The following PARD6G variants were observed in gnomAD, a reference collection of about 807,000 sequenced individuals.
The protein encoded by PARD6G is partitioning defective 6 homolog gamma.
A neutral mutation model predicts 10.7 loss-of-function variants in PARD6G; 7 were observed. The ratio of observed to expected loss-of-function variants is 0.66; its 90% CI spans 0.37 to 1.23. The LOEUF is 1.23. Among genes scored for constraint, PARD6G ranks in the 50% most tolerant of loss-of-function variants. The pLI, the probability that PARD6G is intolerant of heterozygous loss-of-function variation, is 0.02. For missense variants in PARD6G, 548 were observed against 571.8 expected, an observed-to-expected ratio of 0.96 and a Z score of 0.42; for synonymous variants, 287 against 269.4, an observed-to-expected ratio of 1.07 and a Z score of -0.64.
At chr18:80,202,645 T>A (rs563620018) in intron 2 of PARD6G, 65 bp downstream of exon 2, 2 of 1,376,918 alleles carry the variant, frequency 1.5e-6, no homozygotes, top group Non-Finnish European at 2.0e-6. Context: ...ACAGAAAAAA[T>A]TGAAAACTGT....
chr18:80,234,418 C>G (rs1043800854), intron 1 of PARD6G, among the ~76,000 whole-genome samples: 1 of 152,140 alleles, frequency 6.6e-6, no homozygotes, highest in African/African-American at 2.4e-5. Flanking sequence ...GATAAAGGAT[C>G]TTTTCTGATT....
chr18:80,199,926 T>C lies in PARD6G; in HGVS notation c.295+2784A>G, dbSNP rs564933099. The stretch of plus-strand genomic sequence containing the variant: ...TCCCAAAGTGCTGGGATTACAGGCG[T>C]GAGCCACCATGCCTGGCTGAGCAAC... On this transcript the variant is annotated intron_variant, in intron 2 of 2. Coordinates refer to ENST00000353265, the MANE Select transcript of PARD6G (RefSeq NM_032510.4). Among the ~76,000 whole-genome samples the C allele has an allele frequency of 2.6e-5, 4 of 152,356 alleles. No homozygotes were observed. The South Asian group carries it at 8.3e-4, about 32-fold the overall frequency.
chr18:80,238,219 G>T (rs28528736), intron 1 of PARD6G, among the ~76,000 whole-genome samples: 3,680 of 152,160 alleles, frequency 0.024, 148 homozygotes, highest in African/African-American at 0.084. Context: ...GAAACCATCA[G>T]TGTCAGCAAA....
intron 1 of PARD6G, among the ~76,000 whole-genome samples, chr18:80,220,232 G>C (rs547470647): frequency 6.6e-6 from 1 of 152,290 alleles, no homozygotes; most frequent in South Asian, 2.1e-4. Context: ...CAGCTCGTGT[G>C]AGAACTCACT....
intron 2 of PARD6G, among the ~76,000 whole-genome samples, chr18:80,187,053 C>T (rs552012920): frequency 4.2e-4 from 63 of 151,372 alleles, no homozygotes; most frequent in African/African-American, 1.2e-3. Flanking sequence ...GAGCCGATTG[C>T]GCCACTGCAC....
chr18:80,186,331 A>C (rs2052877404), intron 2 of PARD6G, among the ~76,000 whole-genome samples: 1 of 132,500 alleles, frequency 7.5e-6, no homozygotes, highest in Non-Finnish European at 1.6e-5. Flanking sequence ...ATGCTTGCAC[A>C]CCCTCACATG....
chr18:80,170,914 T>C (rs1406255524), intron 2 of PARD6G: 1 of 152,072 alleles, frequency 6.6e-6, no homozygotes, highest in Admixed American at 6.6e-5. Context: ...TGGGGAAGGC[T>C]GCAGGCAAGG....
chr18:80,229,614 C>T (rs1169081477), intron 1 of PARD6G, among the ~76,000 whole-genome samples: 2 of 152,218 alleles, frequency 1.3e-5, no homozygotes, highest in Non-Finnish European at 2.9e-5. Flanking sequence ...CTCATGTGCA[C>T]ATTAAAGGTT....
chr18:80,159,697 C>T lies in PARD6G; in HGVS notation c.*74G>A, dbSNP rs2052681516. On this transcript the variant is annotated 3_prime_UTR_variant, in exon 3 of 3. Coordinates refer to ENST00000353265, the MANE Select transcript of PARD6G (RefSeq NM_032510.4). Reference sequence around the variant, plus strand: ...GGTCACAAAAACAACAAAAAATGAGCGGATGCAGTCTGCAGGTCCTGTCCC... The same window carrying T: ...GGTCACAAAAACAACAAAAAATGAGTGGATGCAGTCTGCAGGTCCTGTCCC... 1.5e-6 allele frequency: 2 copies of T among 1,319,126 alleles called. No homozygotes were observed. Among genetic ancestry groups the T allele is most frequent in the Non-Finnish European group, 1.9e-6 (2 of 1,031,132 alleles). 81.7% of individuals were successfully genotyped at this position (1,319,126 alleles called of 1,614,324 possible).
Position 80,247,080 on chromosome 18 carries a change from T to A in PARD6G, c.72+197A>T, listed in dbSNP as rs1006098465. 1.5e-4 allele frequency among the ~76,000 whole-genome samples: 23 copies of A among 152,044 alleles called. No individual in the cohort carries two copies. The highest frequency in any genetic ancestry group is 9.2e-4 in the Admixed American group (14 of 15,286). ...CCTCTGAGCGCCGCGGCTGCCGGGC[T>A]TTGTGTCCGCGCGGGGGGCGGGAAG... On this transcript the variant is annotated intron_variant, in intron 1 of 2. Coordinates refer to ENST00000353265, the MANE Select transcript of PARD6G (RefSeq NM_032510.4). This position sits in a 1 kb window ranked among gnomAD's most constrained non-coding sequence, Gnocchi z 4.2.
intron 2 of PARD6G, chr18:80,187,894 C>T (rs1196898258): frequency 6.6e-6 from 1 of 152,218 alleles, no homozygotes; most frequent in Admixed American, 6.5e-5. Flanking sequence ...GCTACACACC[C>T]ATACATCGTG....
chr18:80,167,241 T>C (rs1476383735), intron 2 of PARD6G, among the ~76,000 whole-genome samples: 1 of 151,806 alleles, frequency 6.6e-6, no homozygotes, highest in Admixed American at 6.6e-5. Flanking sequence ...GTGTGCCGGA[T>C]AACACATGGG....
intron 1 of PARD6G, among the ~76,000 whole-genome samples, chr18:80,205,321 G>A (rs567415790): frequency 6.6e-6 from 1 of 152,300 alleles, no homozygotes; most frequent in Admixed American, 6.5e-5. Context: ...TCAGTTTTAT[G>A]CGGTATCTTT....
chr18:80,202,182 A>C (rs1967014015), intron 2 of PARD6G, among the ~76,000 whole-genome samples: 1 of 152,218 alleles, frequency 6.6e-6, no homozygotes, highest in Admixed American at 6.5e-5. Flanking sequence ...TGCAGTCCAG[A>C]GACGTGAGCA....
rs202229978 is a variant in PARD6G, at chr18:80,182,006, C to T, written c.295+20704G>A. Among the ~76,000 whole-genome samples the T allele has an allele frequency of 3.9e-5, 6 of 152,180 alleles. No individual in the cohort carries two copies. In the East Asian group the frequency reaches 9.6e-4, roughly 24 times the overall value. On this transcript the variant is annotated intron_variant, in intron 2 of 2. Transcript: ENST00000353265. The surrounding 1 kb of genome is among the most constrained non-coding windows in gnomAD (Gnocchi z 4.5). ...GCTCTCGCAGGCCTCGTGTTCAACT[C>T]CTCATCTTGCCACCTGCTTTTGTTA...
chr18:80,216,506 C>T (rs1410153763), intron 1 of PARD6G, among the ~76,000 whole-genome samples: 1 of 151,798 alleles, frequency 6.6e-6, no homozygotes, highest in African/African-American at 2.4e-5. Context: ...ATTAAACATA[C>T]CCCTAAATAA....
At chr18:80,209,579 G>A (rs1400897848) in intron 1 of PARD6G, among the ~76,000 whole-genome samples, 1 of 152,218 alleles carries the variant, frequency 6.6e-6, no homozygotes, top group East Asian at 1.9e-4. Flanking sequence ...GGGAGGCCAA[G>A]GCAGGTGGAT....
intron 1 of PARD6G, among the ~76,000 whole-genome samples, chr18:80,215,198 A>C (rs914768514): frequency 2.0e-5 from 3 of 152,170 alleles, no homozygotes; most frequent in African/African-American, 7.2e-5. Flanking sequence ...TAATAAACAA[A>C]TAACACTGAG....
chr18:80,199,911 C>T (rs1049156175), intron 2 of PARD6G, among the ~76,000 whole-genome samples: 3 of 152,318 alleles, frequency 2.0e-5, no homozygotes, highest in South Asian at 2.1e-4. Context: ...TCCCAAAGTG[C>T]TGGGATTACA....
Sources: gnomAD v4.1 joint callset for allele counts (sites outside exome capture counted in the v4.1 genomes callset) on GRCh38, gnomAD v4.1.1 for gene constraint, Gnocchi (gnomAD v3.1) non-coding constraint, MANE v1.5 for transcripts, NCBI Gene and HGNC (gene_info 2026-07-23, HGNC 2026-07-21) for gene names.